KCTD16: variants seen among roughly 807,000 people sequenced by gnomAD.
KCTD16 encodes potassium channel tetramerization domain containing 16, also known as BTB/POZ domain-containing protein KCTD16.
KCTD16 carries 13 observed loss-of-function variants against 33.2 expected under a neutral mutation model. The observed-to-expected ratio is 0.39, with a 90% CI of 0.25 to 0.62. The LOEUF (loss-of-function observed/expected upper bound fraction) is 0.62, where lower values mean the gene tolerates loss of function less well. Ranked by LOEUF, KCTD16 falls within the 20% of genes least tolerant of loss-of-function variation. The pLI, the probability that KCTD16 is intolerant of heterozygous loss-of-function variation, is 0.50. For missense variants in KCTD16, 441 were observed against 525.1 expected, an observed-to-expected ratio of 0.84 and a Z score of 1.57; for synonymous variants, 197 against 195.3, an observed-to-expected ratio of 1.01 and a Z score of -0.07.
At chr5:144,319,751 A>G (rs1463161509) in intron 3 of KCTD16, among the ~76,000 whole-genome samples, 1 of 152,214 alleles carries the variant, frequency 6.6e-6, no homozygotes, top group Non-Finnish European at 1.5e-5. Context: ...GGCAGGGACT[A>G]TGCTCTATTT....
At chr5:144,444,215 C>T (rs1156681945) in intron 3 of KCTD16, among the ~76,000 whole-genome samples, 1 of 147,760 alleles carries the variant, frequency 6.8e-6, no homozygotes, top group Non-Finnish European at 1.5e-5. Flanking sequence ...CCCCCCTCCA[C>T]ACACAAAGAT....
At chr5:144,427,280 T>C (rs1753354338) in intron 3 of KCTD16, among the ~76,000 whole-genome samples, 1 of 152,100 alleles carries the variant, frequency 6.6e-6, no homozygotes, top group Non-Finnish European at 1.5e-5. Flanking sequence ...ATCTTGATCT[T>C]CTACTCAGGA....
chr5:144,364,220 G>C (rs1157395932), intron 3 of KCTD16, among the ~76,000 whole-genome samples: 1 of 152,150 alleles, frequency 6.6e-6, no homozygotes, highest in Non-Finnish European at 1.5e-5. Context: ...CGAAGGTACG[G>C]CTCTGGTGGC....
At chr5:144,177,178 C>T (rs1415190991) in intron 2 of KCTD16, among the ~76,000 whole-genome samples, 1 of 152,170 alleles carries the variant, frequency 6.6e-6, no homozygotes, top group Non-Finnish European at 1.5e-5. Flanking sequence ...TTCCTCACAA[C>T]TCTCTCAATT....
intron 3 of KCTD16, among the ~76,000 whole-genome samples, chr5:144,366,797 C>T (rs561012175): frequency 3.3e-5 from 5 of 152,286 alleles, no homozygotes; most frequent in Middle Eastern, 3.4e-3. Context: ...CAACAAAAGT[C>T]GGTGGCATGA....
chr5:144,308,412 T>A (rs1016632231), intron 3 of KCTD16, among the ~76,000 whole-genome samples: 1 of 152,208 alleles, frequency 6.6e-6, no homozygotes, highest in African/African-American at 2.4e-5. Flanking sequence ...AGATTCTAAT[T>A]TGAACTGGGA....
chr5:144,199,707 ATTTTTTTTT>A (rs574670606), intron 2 of KCTD16, among the ~76,000 whole-genome samples: 8 of 67,722 alleles, frequency 1.2e-4, no homozygotes, highest in South Asian at 1.0e-3. Flanking sequence ...GAACAGCTTC[ATTTTTTTTT>A]TTTTTTTTTT....
At chr5:144,424,065 ATAG>A (rs1335941589) in intron 3 of KCTD16, among the ~76,000 whole-genome samples, 1 of 152,192 alleles carries the variant, frequency 6.6e-6, no homozygotes, top group Non-Finnish European at 1.5e-5. Context: ...TAAAGTTTAA[ATAG>A]TACATGGCAG....
chr5:144,273,541 C>CA (rs1377853263), intron 3 of KCTD16, among the ~76,000 whole-genome samples: 8 of 152,124 alleles, frequency 5.3e-5, no homozygotes, highest in African/African-American at 1.4e-4. Flanking sequence ...AGAAGTTATT[C>CA]AAAATAGCTA....
chr5:144,224,992 AAGAATGGGGGTAAGGAT>A (rs1005246398), intron 3 of KCTD16, among the ~76,000 whole-genome samples: 2 of 152,158 alleles, frequency 1.3e-5, no homozygotes, highest in Non-Finnish European at 2.9e-5. Context: ...GGTTCATATT[AAGAATGGGGGTAAGGAT>A]AGACCAATGA....
chr5:144,246,674 G>T (rs960583297), intron 3 of KCTD16, among the ~76,000 whole-genome samples: 1 of 152,094 alleles, frequency 6.6e-6, no homozygotes, highest in Non-Finnish European at 1.5e-5. Flanking sequence ...TACCATCATT[G>T]ACAAGGTGCC....
rs1325541601 is a variant in KCTD16 at position 144,476,492 on chromosome 5, A to G, written c.*2378A>G. 5.3e-5 allele frequency: 8 copies of G among 152,296 alleles called. No individual in the cohort carries two copies. Among genetic ancestry groups the G allele is most frequent in the Admixed American group, 4.6e-4 (7 of 15,296 alleles). 9.4% of individuals were successfully genotyped at this position (152,296 alleles called of 1,614,324 possible). A position where few individuals can be genotyped will look rare whatever the true frequency, so the allele number is the denominator to read the frequency against. Reference sequence around the variant, plus strand: ...TGTCATGAGTTTTCTCTGCTCTGACATTCCTTATACATCCAGTGAACAAAG... The same window carrying G: ...TGTCATGAGTTTTCTCTGCTCTGACGTTCCTTATACATCCAGTGAACAAAG... On this transcript the variant is annotated 3_prime_UTR_variant, in exon 4 of 4. Transcript: ENST00000512467.
intron 3 of KCTD16, among the ~76,000 whole-genome samples, chr5:144,209,131 T>C (rs1753285608): frequency 2.0e-5 from 3 of 152,222 alleles, no homozygotes; most frequent in Admixed American, 1.3e-4. Context: ...TTCTCCGATT[T>C]TGAATATTTG....
chr5:144,463,507 G>A (rs889599551), intron 3 of KCTD16, among the ~76,000 whole-genome samples: 2 of 152,178 alleles, frequency 1.3e-5, no homozygotes, highest in African/African-American at 4.8e-5. Flanking sequence ...TATCAGAGAA[G>A]CATTGTTATT....
At position 144,449,512 on chromosome 5, in the gene KCTD16, C is replaced by T. The variant is rs146546483; in HGVS notation, c.833-24148C>T. Among the ~76,000 whole-genome samples the T allele has an allele frequency of 3.9e-3, 596 of 151,972 alleles. 2 individuals are homozygous for T. Among genetic ancestry groups the T allele is most frequent in the Non-Finnish European group, 7.6e-3 (516 of 67,894 alleles). On this transcript the variant is annotated intron_variant, in intron 3 of 3. Coordinates refer to ENST00000512467, the MANE Select transcript of KCTD16 (RefSeq NM_020768.4). ...TTTCAAAATATACCCATGTAACAAA[C>T]GTGCACACATACCCACTGAATCTAA...
chr5:144,178,904 A>G (rs1752562329), intron 2 of KCTD16, among the ~76,000 whole-genome samples: 1 of 152,238 alleles, frequency 6.6e-6, no homozygotes, highest in Non-Finnish European at 1.5e-5. Context: ...ATTGGCCTGA[A>G]TTCACTGAGA....
intron 3 of KCTD16, among the ~76,000 whole-genome samples, chr5:144,410,952 A>G (rs1580941157): frequency 6.6e-6 from 1 of 152,308 alleles, no homozygotes; most frequent in African/African-American, 2.4e-5. Context: ...CAAGTACCTT[A>G]GAATGTGACT....
In KCTD16 at chr5:144,226,050, G is replaced by T. The variant is rs573752010; in HGVS notation, c.832+18504G>T. Among the ~76,000 whole-genome samples, 5 of 152,228 alleles carry T rather than the reference G, an allele frequency of 3.3e-5. 1 individual carries two copies. The highest frequency in any genetic ancestry group is 1.2e-4 in the African/African-American group (5 of 41,530). ...TAGAGACAGGGAAGTATACACTTTTGCTTTTCCTTATCTCTTATGGTTTTT... is the reference window on the plus strand; with the variant it reads ...TAGAGACAGGGAAGTATACACTTTTTCTTTTCCTTATCTCTTATGGTTTTT... On this transcript the variant is annotated intron_variant, in intron 3 of 3. Transcript: ENST00000512467.
At chr5:144,280,224 A>C (rs550352463) in intron 3 of KCTD16, among the ~76,000 whole-genome samples, 1 of 152,246 alleles carries the variant, frequency 6.6e-6, no homozygotes, top group East Asian at 1.9e-4. Context: ...ATTTTCTGGA[A>C]GAGATTGTAA....
Sources: allele counts gnomAD v4.1 joint callset (sites outside exome capture counted in the v4.1 genomes callset), GRCh38; gene constraint gnomAD v4.1.1; transcripts MANE v1.5; gene names NCBI Gene and HGNC (gene_info 2026-07-23, HGNC 2026-07-21).